The following RAD54B variants were observed in gnomAD, a reference collection of about 807,000 sequenced individuals.
RAD54B encodes the protein DNA repair and recombination protein RAD54B.
RAD54B carries 78 observed loss-of-function variants against 95.8 expected under a neutral mutation model. That is an observed-to-expected ratio of 0.81 (90% CI 0.68 to 0.98). The LOEUF is 0.98. Among genes scored for constraint, RAD54B ranks in the 50% least tolerant of loss-of-function variants. The probability of loss-of-function intolerance (pLI) is 0.00; values close to 1 mark genes in which losing one functional copy is unlikely to be tolerated. For missense variants in RAD54B, 957 were observed against 1,056.6 expected (o/e 0.91, Z 1.31); for synonymous variants, 328 against 354.9 (o/e 0.92, Z 0.85).
At chr8:94,462,755 T>A (rs75544572) in intron 2 of RAD54B, among the ~76,000 whole-genome samples, 6,444 of 152,250 alleles carry the variant, frequency 0.042, 176 homozygotes, top group South Asian at 0.084. Flanking sequence ...AATTGCTGTA[T>A]AATTTCAAAA....
chr8:94,383,431 T>C (rs1367920174), intron 11 of RAD54B, among the ~76,000 whole-genome samples: 1 of 152,178 alleles, frequency 6.6e-6, no homozygotes. Flanking sequence ...TACCCCATTA[T>C]CTGCAGATCT....
intron 3 of RAD54B, among the ~76,000 whole-genome samples, chr8:94,414,720 T>C (rs981968458): frequency 2.0e-5 from 3 of 152,036 alleles, no homozygotes; most frequent in African/African-American, 4.8e-5. Flanking sequence ...TATACACCAA[T>C]AACAGACAAA....
At chr8:94,420,280 CAG>C (rs1346082917) in intron 3 of RAD54B, among the ~76,000 whole-genome samples, 2 of 91,334 alleles carry the variant, frequency 2.2e-5, no homozygotes, top group African/African-American at 4.2e-5. Context: ...TTTTTTAAGA[CAG>C]AGTCTCACTG....
intron 3 of RAD54B, among the ~76,000 whole-genome samples, chr8:94,456,173 G>A (rs763252494): frequency 6.6e-6 from 1 of 152,102 alleles, no homozygotes; most frequent in East Asian, 1.9e-4. Flanking sequence ...AAGCTTTGGG[G>A]GAAGTCATTA....
intron 2 of RAD54B, among the ~76,000 whole-genome samples, chr8:94,460,793 C>A (rs1319388281): frequency 1.1e-4 from 16 of 151,866 alleles, no homozygotes; most frequent in Non-Finnish European, 1.2e-4. Flanking sequence ...CAAACAAATT[C>A]TTTGGCTTAG....
intron 3 of RAD54B, among the ~76,000 whole-genome samples, chr8:94,432,826 G>A (rs1252559254): frequency 6.6e-6 from 1 of 152,016 alleles, no homozygotes; most frequent in Non-Finnish European, 1.5e-5. Flanking sequence ...GACTAAGATT[G>A]GGATTTCAAT....
intron 3 of RAD54B, among the ~76,000 whole-genome samples, chr8:94,413,840 C>T (rs7388044): frequency 5.7e-4 from 75 of 131,162 alleles, no homozygotes; most frequent in South Asian, 2.3e-3. Flanking sequence ...TTTTTTTTTT[C>T]TTTTTTTTTT....
chr8:94,377,764 C>T (rs1037491723), intron 14 of RAD54B, among the ~76,000 whole-genome samples: 1 of 150,432 alleles, frequency 6.6e-6, no homozygotes, highest in Admixed American at 6.6e-5. Flanking sequence ...ATCACGAGGT[C>T]AGGAGATCGA....
At chr8:94,394,989 A>T (rs1811108814) in intron 8 of RAD54B, among the ~76,000 whole-genome samples, 1 of 152,196 alleles carries the variant, frequency 6.6e-6, no homozygotes, top group Non-Finnish European at 1.5e-5. Context: ...CATCATTGAA[A>T]GAGTTGGGAA....
At chr8:94,390,641 T>G (rs1487564969) in intron 10 of RAD54B, among the ~76,000 whole-genome samples, 6 of 138,142 alleles carry the variant, frequency 4.3e-5, no homozygotes, top group Non-Finnish European at 3.1e-5. Flanking sequence ...CCCTATTTCC[T>G]CACCAAAAAA....
At position 94,411,105 on chromosome 8, in the gene RAD54B, G is replaced by A; in HGVS notation, c.499+16C>T. ...ATTTCAGGCCAAACTGTAAACATTAGGTAGTATCATAATACCTCTTCCAAT... is the reference window on the plus strand; with the variant it reads ...ATTTCAGGCCAAACTGTAAACATTAAGTAGTATCATAATACCTCTTCCAAT... On this transcript the variant is annotated intron_variant, in intron 4 of 14. Transcript: ENST00000336148. 1 of 1,566,296 alleles carries A rather than the reference G, an allele frequency of 6.4e-7. No homozygotes were observed. The highest frequency in any genetic ancestry group is 8.7e-7 in the Non-Finnish European group (1 of 1,151,308).
intron 3 of RAD54B, among the ~76,000 whole-genome samples, chr8:94,425,291 G>A (rs2130081899): frequency 7.1e-6 from 1 of 140,390 alleles, no homozygotes; most frequent in African/African-American, 2.7e-5. Flanking sequence ...CTGGACTCAA[G>A]CAATCCTCCT....
At chr8:94,429,680 G>C in intron 3 of RAD54B, 1 of 983,200 alleles carries the variant, frequency 1.0e-6, no homozygotes. Flanking sequence ...TCAAAGAAAA[G>C]TCATAGCACA....
intron 3 of RAD54B, among the ~76,000 whole-genome samples, chr8:94,451,205 T>C (rs182258125): frequency 2.0e-5 from 3 of 152,298 alleles, no homozygotes; most frequent in Admixed American, 1.3e-4. Flanking sequence ...AAAGATCTTA[T>C]TGTGCCGGAA....
chr8:94,472,195 T>C (rs568893769), intron 1 of RAD54B, among the ~76,000 whole-genome samples: 1 of 152,316 alleles, frequency 6.6e-6, no homozygotes. Context: ...TTGACTGCTT[T>C]AGAAGCAGTA....
chr8:94,403,938 C>T (rs375230118), intron 6 of RAD54B, 139 bp downstream of exon 6: 65 of 689,460 alleles, frequency 9.4e-5, no homozygotes, highest in East Asian at 6.2e-4. Flanking sequence ...ACAGTAAGCA[C>T]TATTCACCTT....
intron 8 of RAD54B, among the ~76,000 whole-genome samples, chr8:94,395,355 T>A (rs1385827718): frequency 1.3e-5 from 2 of 152,286 alleles, no homozygotes; most frequent in Middle Eastern, 3.4e-3. Context: ...GCCTCAGCTA[T>A]AATTTAGCTT....
At chr8:94,404,455 C>T (rs1811337051) in intron 5 of RAD54B, among the ~76,000 whole-genome samples, 1 of 152,118 alleles carries the variant, frequency 6.6e-6, no homozygotes, top group Non-Finnish European at 1.5e-5. Flanking sequence ...TTACGAAGAG[C>T]CTTCCAAACT....
In RAD54B at chr8:94,403,275, T is replaced by C. The variant is rs183873083; in HGVS notation, c.944+802A>G. Among the ~76,000 whole-genome samples, 8 of 152,306 alleles carry C rather than the reference T, an allele frequency of 5.3e-5. No individual in the cohort carries two copies. In the East Asian group the frequency reaches 1.2e-3, roughly 22 times the overall value. On this transcript the variant is annotated intron_variant, in intron 6 of 14. Coordinates refer to ENST00000336148, the MANE Select transcript of RAD54B (RefSeq NM_012415.3). ...TCTTTTTTTCTCCTGTTTTTTTGTG[T>C]CCTCTAAAATATCTTTAAGATACTA... is the stretch of plus-strand genomic sequence containing the variant.
Sources: allele counts gnomAD v4.1 joint callset (sites outside exome capture counted in the v4.1 genomes callset), GRCh38; gene constraint gnomAD v4.1.1; transcripts MANE v1.5; gene names NCBI Gene and HGNC (gene_info 2026-07-23, HGNC 2026-07-21).